SLC12A3: variants seen among roughly 807,000 people sequenced by gnomAD.
SLC12A3 encodes Na-Cl cotransporter.
In SLC12A3, 104 loss-of-function variants were observed where a neutral mutation model predicts 121.0. That is an observed-to-expected ratio of 0.86 (90% CI 0.73 to 1.01). SLC12A3 has a LOEUF of 1.01. Among genes scored for constraint, SLC12A3 ranks in the 50% least tolerant of loss-of-function variants. The probability of loss-of-function intolerance (pLI) is 0.00; values close to 1 mark genes in which losing one functional copy is unlikely to be tolerated. For missense variants in SLC12A3, 1,328 were observed against 1,356.3 expected, an observed-to-expected ratio of 0.98 and a Z score of 0.33; for synonymous variants, 536 against 533.4, an observed-to-expected ratio of 1.00 and a Z score of -0.07.
chr16:56,882,164 A>C (rs2055249396), intron 12 of SLC12A3, among the ~76,000 whole-genome samples: 1 of 152,024 alleles, frequency 6.6e-6, no homozygotes, highest in Non-Finnish European at 1.5e-5. Context: ...ACTGACCCCC[A>C]CTGTCTTAAA....
intron 17 of SLC12A3, 79 bp downstream of exon 17, chr16:56,887,172 C>T: frequency 6.3e-7 from 1 of 1,593,800 alleles, no homozygotes; most frequent in Non-Finnish European, 8.6e-7. Context: ...TTGGCGGCCC[C>T]TTTGCTTAAG....
intron 23 of SLC12A3, among the ~76,000 whole-genome samples, chr16:56,901,738 C>G (rs1306813740): frequency 6.6e-6 from 1 of 152,210 alleles, no homozygotes; most frequent in South Asian, 2.1e-4. Flanking sequence ...AAGCCCTGCC[C>G]GACTGGGCCC....
At chr16:56,876,453 G>T (rs1203538514) in intron 8 of SLC12A3, among the ~76,000 whole-genome samples, 1 of 152,204 alleles carries the variant, frequency 6.6e-6, no homozygotes, top group Non-Finnish European at 1.5e-5. Flanking sequence ...TGCCGGGCAG[G>T]GCTGGCAGGT....
intron 25 of SLC12A3, among the ~76,000 whole-genome samples, chr16:56,909,393 G>A (rs2144784179): frequency 6.6e-6 from 1 of 150,942 alleles, no homozygotes; most frequent in South Asian, 2.1e-4. Flanking sequence ...GTGACCACCT[G>A]TTGGAATCTC....
chr16:56,871,338 C>T (rs1123507), intron 6 of SLC12A3, among the ~76,000 whole-genome samples: 18,435 of 152,196 alleles, frequency 0.12, 1,213 homozygotes, highest in South Asian at 0.19. Context: ...AGGGAATTCC[C>T]TTTTCTCTTT....
In SLC12A3 at chr16:56,867,183, G is replaced by A. The variant is rs1437518061; in HGVS notation, c.396G>A (p.Glu132=). The A allele has an allele frequency of 1.9e-6, 3 of 1,613,422 alleles. No individual in the cohort carries two copies. Among genetic ancestry groups the A allele is most frequent in the Non-Finnish European group, 2.5e-6 (3 of 1,179,872 alleles). Residue 132 remains glutamate, a synonymous_variant, in exon 2 of 26, where the codon GAG becomes GAA. Coordinates refer to ENST00000563236, the MANE Select transcript of SLC12A3 (RefSeq NM_001126108.2). ...AGTSSEKNPE[E]PVRFGWVKGV... is the part of the protein sequence containing the mutation. ...CCAGCAGCGAGAAGAACCCCGAGGA[G>A]CCAGTGCGCTTCGGCTGGGTCAAGG...
intron 25 of SLC12A3, 82 bp downstream of exon 25, chr16:56,904,544 C>A: frequency 7.7e-7 from 1 of 1,305,014 alleles, no homozygotes; most frequent in Non-Finnish European, 1.1e-6. Flanking sequence ...AGCAGGGGCA[C>A]CACGGAGGGC....
At chr16:56,907,947 A>AATTCTTC in intron 25 of SLC12A3, among the ~76,000 whole-genome samples, 2 of 152,094 alleles carry the variant, frequency 1.3e-5, no homozygotes, top group Non-Finnish European at 2.9e-5. Context: ...GAGCATGTAG[A>AATTCTTC]ATTCTTCATG....
chr16:56,872,527 C>A, intron 7 of SLC12A3, 65 bp downstream of exon 7: 1 of 1,588,190 alleles, frequency 6.3e-7, no homozygotes, highest in Non-Finnish European at 8.6e-7. Flanking sequence ...AGGAATCTGG[C>A]CCATTGTGTG....
intron 1 of SLC12A3, among the ~76,000 whole-genome samples, chr16:56,865,757 C>T (rs1231278134): frequency 6.6e-6 from 1 of 152,156 alleles, no homozygotes; most frequent in African/African-American, 2.4e-5. Context: ...AGGTAATGAG[C>T]TTCCAGTGAG....
chr16:56,913,540 AAGATGGT>A lies in SLC12A3; in HGVS notation c.*140_*146del. 2.1e-6 allele frequency: 2 copies of A among 934,492 alleles called. No individual in the cohort carries two copies. Among genetic ancestry groups the A allele is most frequent in the Non-Finnish European group, 1.8e-6 (1 of 569,760 alleles). The allele number at this position is 934,492 out of a possible 1,614,324, so 57.9% of individuals were successfully genotyped here. ...GCAGCATCTGATGATCTCACCGAAA[AAGATGGT>A]AGATTTCCAAATCTGGCTGGACTCC... On this transcript the variant is annotated 3_prime_UTR_variant, in exon 26 of 26. Transcript: ENST00000563236.
At chr16:56,892,912 C>T (rs758212308) in intron 20 of SLC12A3, 41 bp from the exon 21 acceptor site, 33 of 1,552,110 alleles carry the variant, frequency 2.1e-5, no homozygotes, top group Admixed American at 6.7e-5. Context: ...CCTGGATGCG[C>T]GGCTGCTGGC....
chr16:56,869,660 G>A, intron 3 of SLC12A3, 69 bp from the exon 4 acceptor site: 2 of 1,260,916 alleles, frequency 1.6e-6, no homozygotes. Context: ...GTCGCATGGT[G>A]AATGAGTAGG....
chr16:56,910,889 A>T (rs2055675925), intron 25 of SLC12A3, among the ~76,000 whole-genome samples: 1 of 152,198 alleles, frequency 6.6e-6, no homozygotes, highest in Non-Finnish European at 1.5e-5. Context: ...ATTTCTGAAG[A>T]TTAGTAGCTC....
At chr16:56,912,331 A>AAG (rs2055697347) in intron 25 of SLC12A3, among the ~76,000 whole-genome samples, 2 of 152,232 alleles carry the variant, frequency 1.3e-5, no homozygotes, top group Admixed American at 1.3e-4. Flanking sequence ...ACTTCCTGAA[A>AAG]TAGTTGGAAG....
chr16:56,913,337 G>T lies in SLC12A3; in HGVS notation c.2998G>T (p.Asp1000Tyr). Residue 1000 changes from aspartate (D) to tyrosine (Y), a missense_variant, in exon 26 of 26, where the codon GAC becomes TAC. Asp to Tyr is a radical substitution (Grantham distance 160). Coordinates refer to ENST00000563236, the MANE Select transcript of SLC12A3 (RefSeq NM_001126108.2). ...YMAWLETLSQDLRPPVILIRG... is the reference protein window; with the variant it reads ...YMAWLETLSQYLRPPVILIRG... ...GGCCTGGCTGGAGACCCTGTCCCAGGACCTCAGACCTCCAGTCATCCTGAT... is the reference window on the plus strand; with the variant it reads ...GGCCTGGCTGGAGACCCTGTCCCAGTACCTCAGACCTCCAGTCATCCTGAT... 6.2e-7 allele frequency: 1 copy of T among 1,614,164 alleles called. No individual in the cohort carries two copies. Among genetic ancestry groups the T allele is most frequent in the Non-Finnish European group, 8.5e-7 (1 of 1,180,012 alleles).
chr16:56,886,688 A>G (rs1375893216), intron 16 of SLC12A3, among the ~76,000 whole-genome samples: 1 of 150,930 alleles, frequency 6.6e-6, no homozygotes, highest in Non-Finnish European at 1.5e-5. Flanking sequence ...CCAGCCAGGC[A>G]CCCCCCATGG....
intron 18 of SLC12A3, among the ~76,000 whole-genome samples, chr16:56,888,738 T>C (rs1225098150): frequency 6.6e-6 from 1 of 151,890 alleles, no homozygotes; most frequent in Non-Finnish European, 1.5e-5. Flanking sequence ...TTTTGTATTT[T>C]TAGTAGAGAC....
chr16:56,879,953 A>G (rs543120748), intron 11 of SLC12A3, among the ~76,000 whole-genome samples, 177 bp from the exon 12 acceptor site: 92 of 152,050 alleles, frequency 6.1e-4, no homozygotes, highest in African/African-American at 2.0e-3. Flanking sequence ...TACTGTCTTT[A>G]TGGTAGGGCG....
Sources: gnomAD v4.1 joint callset for allele counts (sites outside exome capture counted in the v4.1 genomes callset) on GRCh38, gnomAD v4.1.1 for gene constraint, MANE v1.5 for transcripts, NCBI Gene and HGNC (gene_info 2026-07-23, HGNC 2026-07-21) for gene names.